Variants in PHF14 observed in about 807,000 individuals in gnomAD.
PHF14 encodes the protein PHD finger protein 14.
PHF14 carries 55 observed loss-of-function variants against 117.9 expected under a neutral mutation model. The ratio of observed to expected loss-of-function variants is 0.47; its 90% CI spans 0.38 to 0.58. The LOEUF (loss-of-function observed/expected upper bound fraction) is 0.58. Among genes scored for constraint, PHF14 ranks in the 20% least tolerant of loss-of-function variants. PHF14 has a pLI of 0.00. For synonymous variants in PHF14, 409 were observed against 368.6 expected (o/e 1.11, Z -1.26); for missense variants, 978 against 1,122.2 (o/e 0.87, Z 1.84).
chr7:10,988,822 G>C (rs537771962), intron 3 of PHF14, among the ~76,000 whole-genome samples: 1 of 152,194 alleles, frequency 6.6e-6, no homozygotes, highest in Admixed American at 6.5e-5. Context: ...ATAACCTCCT[G>C]AAGTAGATAT....
chr7:11,161,631 TA>T (rs1434017313), intron 17 of PHF14, among the ~76,000 whole-genome samples: 3 of 149,734 alleles, frequency 2.0e-5, no homozygotes, highest in Non-Finnish European at 3.0e-5. Context: ...TTTTAAATAT[TA>T]TTTTTGCCTA....
chr7:11,147,569 C>G (rs573307188), intron 17 of PHF14, among the ~76,000 whole-genome samples: 3 of 152,328 alleles, frequency 2.0e-5, no homozygotes, highest in East Asian at 1.9e-4. Context: ...TACTTGACCT[C>G]TCAATGTTAT....
chr7:11,094,863 T>C (rs1268429058), intron 16 of PHF14, among the ~76,000 whole-genome samples: 1 of 152,194 alleles, frequency 6.6e-6, no homozygotes, highest in Non-Finnish European at 1.5e-5. Flanking sequence ...TTCAGGCCAC[T>C]TGGTTGCCCT....
intron 17 of PHF14, among the ~76,000 whole-genome samples, chr7:11,152,730 A>G (rs1309520607): frequency 1.3e-5 from 2 of 152,210 alleles, no homozygotes; most frequent in Non-Finnish European, 2.9e-5. Context: ...AACCAAGTGG[A>G]TGTTCATTTT....
At chr7:11,074,957 A>G (rs1168510032) in intron 16 of PHF14, among the ~76,000 whole-genome samples, 1 of 99,274 alleles carries the variant, frequency 1.0e-5, no homozygotes, top group South Asian at 2.8e-4. Context: ...TTTTTTTTTT[A>G]GATGGAGTCT....
At chr7:11,095,802 C>G (rs1292761918) in intron 16 of PHF14, among the ~76,000 whole-genome samples, 2 of 152,112 alleles carry the variant, frequency 1.3e-5, no homozygotes, top group Non-Finnish European at 2.9e-5. Flanking sequence ...TCACGGACAT[C>G]TCAGCTAGAG....
chr7:11,044,015 G>A (rs1784583081), intron 13 of PHF14, among the ~76,000 whole-genome samples: 1 of 151,814 alleles, frequency 6.6e-6, no homozygotes, highest in Admixed American at 6.6e-5. Flanking sequence ...CAAAAAAAGG[G>A]AAATCATGTT....
chr7:11,068,884 A>G (rs944840347), intron 16 of PHF14, among the ~76,000 whole-genome samples: 2 of 152,056 alleles, frequency 1.3e-5, no homozygotes, highest in Non-Finnish European at 2.9e-5. Context: ...AGATACTCAG[A>G]TAGTCTTTAT....
intron 16 of PHF14, among the ~76,000 whole-genome samples, chr7:11,093,625 A>G (rs1459874039): frequency 6.6e-6 from 1 of 152,098 alleles, no homozygotes; most frequent in East Asian, 1.9e-4. Context: ...CCTCTTACTT[A>G]GCAGTAGACT....
intron 14 of PHF14, among the ~76,000 whole-genome samples, chr7:11,060,766 C>T (rs1452876495): frequency 6.6e-6 from 1 of 152,100 alleles, no homozygotes; most frequent in Non-Finnish European, 1.5e-5. Flanking sequence ...ATAATTAAAA[C>T]AGACTGATTG....
At position 11,004,745 on chromosome 7, in the gene PHF14, G is replaced by A. The variant is rs1016909681; in HGVS notation, c.1046-9002G>A. On this transcript the variant is annotated intron_variant, in intron 4 of 17. Transcript: ENST00000634607. ...TTCCCATTATATCACATCAAAAGAC[G>A]TATAATGTGGCTGGGTGCGGTGGCT... 4.6e-5 allele frequency among the ~76,000 whole-genome samples: 7 copies of A among 150,664 alleles called. No homozygotes were observed. The South Asian group carries it at 8.4e-4, about 18-fold the overall frequency.
At chr7:11,097,979 C>T (rs774653450) in intron 16 of PHF14, among the ~76,000 whole-genome samples, 15 of 151,776 alleles carry the variant, frequency 9.9e-5, no homozygotes, top group Non-Finnish European at 1.8e-4. Context: ...CTATATATTA[C>T]CTGATTTTTC....
At chr7:11,033,684 C>CA (rs1403781818) in intron 7 of PHF14, among the ~76,000 whole-genome samples, 1 of 152,132 alleles carries the variant, frequency 6.6e-6, no homozygotes, top group African/African-American at 2.4e-5. Context: ...AGTCTTGGTC[C>CA]AAATGCTTAA....
chr7:11,044,790 G>C (rs1162576904), intron 13 of PHF14, among the ~76,000 whole-genome samples: 1 of 152,104 alleles, frequency 6.6e-6, no homozygotes, highest in Non-Finnish European at 1.5e-5. Context: ...GAAAAAAAAT[G>C]ATAAACGCAG....
At chr7:11,009,083 A>T (rs1221863803) in intron 4 of PHF14, among the ~76,000 whole-genome samples, 1 of 152,136 alleles carries the variant, frequency 6.6e-6, no homozygotes, top group African/African-American at 2.4e-5. Flanking sequence ...TCATAGTCAA[A>T]AGTCTAATGA....
intron 5 of PHF14, among the ~76,000 whole-genome samples, chr7:11,021,943 A>C (rs1239863489): frequency 6.6e-6 from 1 of 152,176 alleles, no homozygotes; most frequent in Non-Finnish European, 1.5e-5. Flanking sequence ...ATAAAGCAGA[A>C]TTTGTTGTTA....
In PHF14 at chr7:11,036,776, T is replaced by C; in HGVS notation, c.1873+88T>C. On this transcript the variant is annotated intron_variant, in intron 9 of 17. Coordinates refer to ENST00000634607, the MANE Select transcript of PHF14 (RefSeq NM_001007157.2). Reference sequence around the variant, plus strand: ...GATATACTGTTAATTTTTAGAAATTTATTAGCCATGCTGCATATATCATAG... The same window carrying C: ...GATATACTGTTAATTTTTAGAAATTCATTAGCCATGCTGCATATATCATAG... 3 of 1,232,336 alleles carry C rather than the reference T, an allele frequency of 2.4e-6. No individual in the cohort carries two copies. In the Admixed American group the frequency reaches 6.8e-5, roughly 28 times the overall value. The allele number at this position is 1,232,336 out of a possible 1,614,324, so 76.3% of individuals were successfully genotyped here.
chr7:11,153,939 C>CTGTGTGTGTGTGTGTGTGTGTGTGTGTG (rs975709011), intron 17 of PHF14, among the ~76,000 whole-genome samples: 19 of 138,530 alleles, frequency 1.4e-4, no homozygotes, highest in African/African-American at 5.2e-4. Context: ...TGGTCCCTGT[C>CTGTGTGTGTGTGTGTGTGTGTGTGTGTG]TGTGTGTGCG....
chr7:11,109,329 C>T (rs1035876547), intron 16 of PHF14: 17 of 151,722 alleles, frequency 1.1e-4, no homozygotes, highest in African/African-American at 3.9e-4. Context: ...GGTCCTCATT[C>T]CAAGGACAAA....
Sources: gnomAD v4.1 joint callset for allele counts (sites outside exome capture counted in the v4.1 genomes callset) on GRCh38, gnomAD v4.1.1 for gene constraint, MANE v1.5 for transcripts, NCBI Gene and HGNC (gene_info 2026-07-23, HGNC 2026-07-21) for gene names.